The following CACNG2 variants were observed in gnomAD, a reference collection of about 807,000 sequenced individuals.
CACNG2 encodes the protein calcium voltage-gated channel auxiliary subunit gamma 2.
CACNG2 carries 3 observed loss-of-function variants against 25.9 expected under a neutral mutation model. That is an observed-to-expected ratio of 0.12 (90% CI 0.05 to 0.30). The LOEUF (loss-of-function observed/expected upper bound fraction) is 0.30, where lower values mean the gene tolerates loss of function less well. Ranked by LOEUF, CACNG2 falls within the 10% of genes least tolerant of loss-of-function variation. The pLI is 1.00. For missense variants in CACNG2, 341 were observed against 432.5 expected (o/e 0.79, Z 1.88); for synonymous variants, 167 against 173.3 (o/e 0.96, Z 0.29).
intron 1 of CACNG2, among the ~76,000 whole-genome samples, chr22:36,674,352 G>A (rs764886134): frequency 5.9e-5 from 9 of 151,562 alleles, no homozygotes; most frequent in African/African-American, 1.2e-4. Context: ...TTTTTGAGAC[G>A]GAGTCTCCCT....
At chr22:36,664,903 A>G (rs1936853226) in intron 1 of CACNG2, among the ~76,000 whole-genome samples, 1 of 152,174 alleles carries the variant, frequency 6.6e-6, no homozygotes, top group South Asian at 2.1e-4. Flanking sequence ...TTGATTTTTG[A>G]GTTTACAACT....
intron 1 of CACNG2, among the ~76,000 whole-genome samples, chr22:36,635,758 C>T (rs1394458836): frequency 1.3e-5 from 2 of 152,180 alleles, no homozygotes; most frequent in African/African-American, 4.8e-5. Flanking sequence ...CCACTCCCTT[C>T]TCCATGTCGC....
chr22:36,597,477 G>C (rs1323430897), intron 1 of CACNG2, among the ~76,000 whole-genome samples: 1 of 152,162 alleles, frequency 6.6e-6, no homozygotes, highest in African/African-American at 2.4e-5. Flanking sequence ...CTGTAAGAAG[G>C]CAATATCAGT....
At chr22:36,661,156 C>T (rs1228871530) in intron 1 of CACNG2, among the ~76,000 whole-genome samples, 1 of 152,204 alleles carries the variant, frequency 6.6e-6, no homozygotes, top group Non-Finnish European at 1.5e-5. Context: ...TGGATTCAGT[C>T]TCCTATCAGT....
At position 36,564,429 on chromosome 22, in the gene CACNG2, C is replaced by T; in HGVS notation, c.894G>A (p.Gln298=). The T allele has an allele frequency of 1.9e-6, 3 of 1,613,958 alleles. No homozygotes were observed. The highest frequency in any genetic ancestry group is 2.5e-6 in the Non-Finnish European group (3 of 1,179,962). ...TCTCCTTCTGGATACAGTTGTGAAC[C>T]TGGAGGAAGCTGTTATCCCTGTCGG... ...YNSDRDNSFL[Q]VHNCIQKENK... Residue 298 remains glutamine (Q), a synonymous_variant, in exon 4 of 4, where the codon CAG becomes CAA. Coordinates refer to ENST00000300105, the MANE Select transcript of CACNG2 (RefSeq NM_006078.5). The surrounding 1 kb of genome is among the most constrained non-coding windows in gnomAD (Gnocchi z 6.7).
intron 1 of CACNG2, among the ~76,000 whole-genome samples, chr22:36,662,303 AT>A (rs1936810312): frequency 6.6e-6 from 1 of 152,140 alleles, no homozygotes. Flanking sequence ...ATTCTAAGCC[AT>A]CTTGTGAAGC....
chr22:36,616,348 G>A (rs1448079035), intron 1 of CACNG2, among the ~76,000 whole-genome samples: 5 of 152,068 alleles, frequency 3.3e-5, no homozygotes, highest in East Asian at 1.9e-4. Flanking sequence ...AATTTCTGAT[G>A]CATTTTTCAT....
At chr22:36,574,765 A>G (rs1226470947) in intron 2 of CACNG2, among the ~76,000 whole-genome samples, 1 of 151,230 alleles carries the variant, frequency 6.6e-6, no homozygotes, top group African/African-American at 2.4e-5. Context: ...CTGGGCAACA[A>G]GAGCGGAACT....
intron 1 of CACNG2, among the ~76,000 whole-genome samples, chr22:36,636,872 G>A (rs1216432851): frequency 6.6e-6 from 1 of 152,232 alleles, no homozygotes. Flanking sequence ...CTCAGGCCTT[G>A]CTTGTAATGC....
chr22:36,560,896 G>T lies in CACNG2; in HGVS notation c.*3455C>A, dbSNP rs1320791565. 6.8e-6 allele frequency: 1 copy of T among 147,720 alleles called. No homozygotes were observed. The highest frequency in any genetic ancestry group is 6.7e-5 in the Admixed American group (1 of 14,832). The allele number at this position is 147,720 out of a possible 1,614,324, so 9.2% of individuals were successfully genotyped here. A position where few individuals can be genotyped will look rare whatever the true frequency, so the allele number is the denominator to read the frequency against. ...TAAAAAAAAAAAATCTTTATTTCAT[G>T]TACCAGGATTTTTTTTTTCAGTTTT... On this transcript the variant is annotated 3_prime_UTR_variant, in exon 4 of 4. Coordinates refer to ENST00000300105, the MANE Select transcript of CACNG2 (RefSeq NM_006078.5).
rs895893622 is a variant in CACNG2 at position 36,703,477 on chromosome 22, T to G, written c.-901A>C. ...GGTGGGCCGCGCGCCTGCCCCCCAC[T>G]CGCTACCGGCTGGGCGCCCGCGGAG... On this transcript the variant is annotated 5_prime_UTR_variant, in exon 1 of 4. Coordinates refer to ENST00000300105, the MANE Select transcript of CACNG2 (RefSeq NM_006078.5). 6.6e-6 allele frequency: 1 copy of G among 152,354 alleles called. No homozygotes were observed. Among genetic ancestry groups the G allele is most frequent in the African/African-American group, 2.4e-5 (1 of 41,404 alleles). The allele number at this position is 152,354 out of a possible 1,614,324, so 9.4% of individuals were successfully genotyped here. A position where few individuals can be genotyped will look rare whatever the true frequency, so the allele number is the denominator to read the frequency against.
chr22:36,565,036 T>G (rs142806333), intron 3 of CACNG2, 150 bp from the exon 4 acceptor site: 1 of 687,156 alleles, frequency 1.5e-6, no homozygotes, highest in East Asian at 2.6e-5. Context: ...GCGGTGTAGA[T>G]GGACATCCGC....
chr22:36,664,854 T>C (rs1936852273), intron 1 of CACNG2, among the ~76,000 whole-genome samples: 1 of 152,224 alleles, frequency 6.6e-6, no homozygotes, highest in African/African-American at 2.4e-5. Flanking sequence ...GAAAAGCATG[T>C]GTTTTAGGCT....
chr22:36,644,215 G>C (rs1357022760), intron 1 of CACNG2, among the ~76,000 whole-genome samples: 1 of 152,184 alleles, frequency 6.6e-6, no homozygotes, highest in African/African-American at 2.4e-5. Context: ...GAGCTGTGAG[G>C]TCCCAGGCTC....
At chr22:36,662,660 T>G (rs1330205750) in intron 1 of CACNG2, among the ~76,000 whole-genome samples, 1 of 152,208 alleles carries the variant, frequency 6.6e-6, no homozygotes, top group Non-Finnish European at 1.5e-5. Flanking sequence ...TAGGTTCTCC[T>G]TTAGCCTGGG....
At chr22:36,577,614 C>T (rs966949748) in intron 2 of CACNG2, among the ~76,000 whole-genome samples, 16 of 147,556 alleles carry the variant, frequency 1.1e-4, no homozygotes, top group South Asian at 1.1e-3. Flanking sequence ...CATGCCACCG[C>T]GCTCCAGTCT....
chr22:36,596,198 A>C (rs947042780), intron 1 of CACNG2, among the ~76,000 whole-genome samples: 5 of 152,142 alleles, frequency 3.3e-5, no homozygotes. Context: ...AAGCAAAGGA[A>C]GGGTTTAGTG....
intron 1 of CACNG2, among the ~76,000 whole-genome samples, chr22:36,643,759 G>A (rs572630286): frequency 6.6e-6 from 1 of 152,166 alleles, no homozygotes; most frequent in African/African-American, 2.4e-5. Flanking sequence ...TTCAAGAAGG[G>A]GCATCACCAC....
chr22:36,655,166 C>G (rs1195821609), intron 1 of CACNG2, among the ~76,000 whole-genome samples: 1 of 152,118 alleles, frequency 6.6e-6, no homozygotes, highest in African/African-American at 2.4e-5. Context: ...ATTGGAATTC[C>G]TTTATAATTA....
Sources: gnomAD v4.1 joint callset for allele counts (sites outside exome capture counted in the v4.1 genomes callset) on GRCh38, gnomAD v4.1.1 for gene constraint, Gnocchi (gnomAD v3.1) non-coding constraint, MANE v1.5 for transcripts, NCBI Gene and HGNC (gene_info 2026-07-23, HGNC 2026-07-21) for gene names.